The following NTNG2 variants were observed in gnomAD, a reference collection of about 807,000 sequenced individuals.
NTNG2 encodes the protein netrin-G2.
NTNG2 carries 15 observed loss-of-function variants against 47.6 expected under a neutral mutation model. The ratio of observed to expected loss-of-function variants is 0.32; its 90% CI spans 0.21 to 0.49. NTNG2 has a LOEUF of 0.49. Among genes scored for constraint, NTNG2 ranks in the 20% least tolerant of loss-of-function variants. NTNG2 has a pLI of 0.99. For missense variants in NTNG2, 578 were observed against 764.6 expected (o/e 0.76, Z 2.88); for synonymous variants, 307 against 324.6 (o/e 0.95, Z 0.58).
rs1835219557 is a variant in NTNG2 at position 132,163,271 on chromosome 9, T to TGGCCCCGGCCTCGACCCC, written c.-484+1034_-484+1051dup. ...CCGGCCCGAAGCACTGACTCGACCC[T>TGGCCCCGGCCTCGACCCC]GGCCCCGGCCTCGACCCCGCCCGCG... is the stretch of plus-strand genomic sequence containing the variant. On this transcript the variant is annotated intron_variant, in intron 1 of 7. Transcript: ENST00000393229. The surrounding 1 kb of genome is among the most constrained non-coding windows in gnomAD (Gnocchi z 7.2). Among the ~76,000 whole-genome samples the TGGCCCCGGCCTCGACCCC allele has an allele frequency of 6.6e-6, 1 of 151,968 alleles. No homozygotes were observed. The highest frequency in any genetic ancestry group is 2.4e-5 in the African/African-American group (1 of 41,390).
chr9:132,189,704 A>G (rs1837712607), intron 2 of NTNG2, among the ~76,000 whole-genome samples: 1 of 151,964 alleles, frequency 6.6e-6, no homozygotes, highest in Non-Finnish European at 1.5e-5. Context: ...CAGTGGTGTG[A>G]TCTCAGCTCA....
intron 2 of NTNG2, among the ~76,000 whole-genome samples, chr9:132,184,470 C>CT (rs1313386809): frequency 2.0e-5 from 3 of 152,216 alleles, no homozygotes; most frequent in African/African-American, 7.2e-5. Flanking sequence ...TCCCTTGGGA[C>CT]TGGGGGGCAG....
At chr9:132,206,642 G>A (rs1055692064) in intron 3 of NTNG2, among the ~76,000 whole-genome samples, 1 of 152,236 alleles carries the variant, frequency 6.6e-6, no homozygotes, top group Non-Finnish European at 1.5e-5. Flanking sequence ...ACTCCAGCCT[G>A]GGTGACAGAG....
chr9:132,224,426 C>T (rs530819092), intron 3 of NTNG2, among the ~76,000 whole-genome samples: 1 of 152,184 alleles, frequency 6.6e-6, no homozygotes, highest in Non-Finnish European at 1.5e-5. Flanking sequence ...AGAATGGTTT[C>T]ACCGCCCTAA....
chr9:132,192,728 G>T (rs1452359860), intron 2 of NTNG2, among the ~76,000 whole-genome samples: 1 of 152,210 alleles, frequency 6.6e-6, no homozygotes, highest in African/African-American at 2.4e-5. Flanking sequence ...CAGCTCAGTG[G>T]AATTCTGAGA....
chr9:132,186,236 G>A (rs1837375034), intron 2 of NTNG2, among the ~76,000 whole-genome samples: 1 of 152,198 alleles, frequency 6.6e-6, no homozygotes, highest in Non-Finnish European at 1.5e-5. Context: ...AGACGCCCAT[G>A]TGTCTGGTCC....
intron 5 of NTNG2, among the ~76,000 whole-genome samples, chr9:132,237,614 T>C (rs1410294870): frequency 1.3e-5 from 2 of 152,200 alleles, no homozygotes; most frequent in African/African-American, 4.8e-5. Flanking sequence ...AGAGGACCGA[T>C]GCCTGGCTCC....
At chr9:132,224,813 T>C (rs1840614497) in intron 3 of NTNG2, among the ~76,000 whole-genome samples, 2 of 152,360 alleles carry the variant, frequency 1.3e-5, no homozygotes, top group South Asian at 4.1e-4. Flanking sequence ...TGAACCTCTG[T>C]GTACCTCTCA....
At position 132,236,612 on chromosome 9, in the gene NTNG2, G is replaced by C. The variant is rs147674547; in HGVS notation, c.1055-2492G>C. ...CTGGAAGCATGTTTAGAGAGGGTCT[G>C]AGGCTCGGTTCCTAGAAACCTGGAG... is the stretch of plus-strand genomic sequence containing the variant. On this transcript the variant is annotated intron_variant, in intron 5 of 7. Transcript: ENST00000393229. The surrounding 1 kb of genome is among the most constrained non-coding windows in gnomAD (Gnocchi z 4.3). 3.7e-3 allele frequency among the ~76,000 whole-genome samples: 568 copies of C among 152,338 alleles called. 3 individuals are homozygous for C. The highest frequency in any genetic ancestry group is 0.028 in the South Asian group (136 of 4,826).
At chr9:132,241,188 GC>G (rs1473552940) in intron 7 of NTNG2, 144 bp downstream of exon 7, 3 of 1,035,798 alleles carry the variant, frequency 2.9e-6, no homozygotes, top group Admixed American at 3.0e-5. Flanking sequence ...AGTGGGTGGG[GC>G]CTAGTGGGAC....
chr9:132,241,732 T>G, intron 7 of NTNG2, 144 bp from the exon 8 acceptor site: 1 of 592,362 alleles, frequency 1.7e-6, no homozygotes, highest in Non-Finnish European at 2.8e-6. Flanking sequence ...AGGGGGGACG[T>G]TTCGCACCCA....
Position 132,178,888 on chromosome 9 carries a change from G to A in NTNG2, c.213+11844G>A, listed in dbSNP as rs369344489. The stretch of plus-strand genomic sequence containing the variant: ...GAAGAATTTCTTGAACCTGGGAGGC[G>A]GAGGCAGAGGTTGCAGTGAGCCGAG... On this transcript the variant is annotated intron_variant, in intron 2 of 7. Transcript: ENST00000393229. Among the ~76,000 whole-genome samples the A allele has an allele frequency of 2.2e-3, 335 of 150,960 alleles. 1 individual carries two copies. Among genetic ancestry groups the A allele is most frequent in the African/African-American group, 7.6e-3 (312 of 40,964 alleles).
intron 6 of NTNG2, chr9:132,240,598 G>A (rs1236350376): frequency 2.1e-6 from 1 of 483,462 alleles, no homozygotes; most frequent in African/African-American, 2.0e-5. Context: ...CTTTGGAGAT[G>A]GGAAGGACAG....
At position 132,240,876 on chromosome 9, in the gene NTNG2, C is replaced by T. The variant is rs753534866; in HGVS notation, c.1223-34C>T. The T allele has an allele frequency of 5.0e-6, 8 of 1,612,362 alleles. No individual in the cohort carries two copies. In the East Asian group the frequency reaches 1.8e-4, roughly 36 times the overall value. On this transcript the variant is annotated intron_variant, in intron 6 of 7. Transcript: ENST00000393229. ...CCGAGAAGACGGCGCCCACACGTAGCCCTGACCGCGCGCCCGTGCCCGTGT... is the reference window on the plus strand; with the variant it reads ...CCGAGAAGACGGCGCCCACACGTAGTCCTGACCGCGCGCCCGTGCCCGTGT...
chr9:132,214,246 TC>T (rs1188277818), intron 3 of NTNG2, among the ~76,000 whole-genome samples: 1 of 152,202 alleles, frequency 6.6e-6, no homozygotes, highest in African/African-American at 2.4e-5. Context: ...CGCTCCTCTC[TC>T]CCTGGGAGGA....
chr9:132,217,583 C>G (rs923971470), intron 3 of NTNG2, among the ~76,000 whole-genome samples: 1 of 152,192 alleles, frequency 6.6e-6, no homozygotes, highest in Admixed American at 6.5e-5. Context: ...GAGGTGATAA[C>G]TTCACTTGTT....
chr9:132,177,481 G>A (rs112184549), intron 2 of NTNG2, among the ~76,000 whole-genome samples: 1 of 152,162 alleles, frequency 6.6e-6, no homozygotes, highest in African/African-American at 2.4e-5. Context: ...TGTATCTGGT[G>A]TAAGGGAAAA....
chr9:132,228,660 C>T (rs978416319), intron 4 of NTNG2, among the ~76,000 whole-genome samples: 2 of 151,892 alleles, frequency 1.3e-5, no homozygotes, highest in Admixed American at 6.6e-5. Context: ...TGGGCTTGAG[C>T]GATCCTCCCA....
intron 2 of NTNG2, among the ~76,000 whole-genome samples, chr9:132,183,384 A>C (rs1036799187): frequency 2.6e-5 from 4 of 152,100 alleles, no homozygotes; most frequent in African/African-American, 9.7e-5. Flanking sequence ...AGCAGCGTGC[A>C]TGCGTTAACC....
Sources: allele counts gnomAD v4.1 joint callset (sites outside exome capture counted in the v4.1 genomes callset), GRCh38; gene constraint gnomAD v4.1.1; non-coding constraint Gnocchi (gnomAD v3.1); transcripts MANE v1.5; gene names NCBI Gene and HGNC (gene_info 2026-07-23, HGNC 2026-07-21).